The following TRPM1 variants were observed in gnomAD, a reference collection of about 807,000 sequenced individuals.
TRPM1 encodes TRPM1-203 APA Isoform, Intron 10.
A neutral mutation model predicts 149.4 loss-of-function variants in TRPM1; 113 were observed. The ratio of observed to expected loss-of-function variants is 0.76; its 90% CI spans 0.65 to 0.88. The LOEUF (loss-of-function observed/expected upper bound fraction) is 0.88, where lower values mean the gene tolerates loss of function less well. Ranked by LOEUF, TRPM1 falls within the 40% of genes least tolerant of loss-of-function variation. The pLI, the probability that TRPM1 is intolerant of heterozygous loss-of-function variation, is 0.00. For synonymous variants in TRPM1, 741 were observed against 759.5 expected (o/e 0.98, Z 0.40); for missense variants, 1,976 against 2,038.7 (o/e 0.97, Z 0.59).
chr15:31,068,504 A>T (rs891141122), intron 4 of TRPM1, among the ~76,000 whole-genome samples: 8 of 151,908 alleles, frequency 5.3e-5, no homozygotes, highest in African/African-American at 1.9e-4. Flanking sequence ...CACTTTGGGA[A>T]GCCGAGGCAG....
chr15:31,140,742 TTTCTTTATAAA>T (rs1366413978), intron 1 of TRPM1, among the ~76,000 whole-genome samples: 2 of 152,332 alleles, frequency 1.3e-5, no homozygotes. Flanking sequence ...ACAAACCTCT[TTTCTTTATAAA>T]TTACTCAGCC....
chr15:31,066,365 T>G, intron 6 of TRPM1, 118 bp from the exon 7 acceptor site: 66 of 1,102,108 alleles, frequency 6.0e-5, no homozygotes, highest in Non-Finnish European at 8.5e-5. Flanking sequence ...CTCACATCTC[T>G]ACCCTGCCTT....
At chr15:31,051,687 C>T (rs1596019868) in intron 11 of TRPM1, among the ~76,000 whole-genome samples, 1 of 152,184 alleles carries the variant, frequency 6.6e-6, no homozygotes, top group Admixed American at 6.5e-5. Flanking sequence ...CCTTGACGAC[C>T]TCATTGACCC....
chr15:31,118,630 C>T (rs2035835027), intron 1 of TRPM1, among the ~76,000 whole-genome samples: 3 of 152,076 alleles, frequency 2.0e-5, no homozygotes, highest in Admixed American at 2.0e-4. Context: ...TCAGGGTGCC[C>T]CATGGTTGGG....
At chr15:31,119,140 C>T (rs1239762116) in intron 1 of TRPM1, among the ~76,000 whole-genome samples, 1 of 152,032 alleles carries the variant, frequency 6.6e-6, no homozygotes, top group Non-Finnish European at 1.5e-5. Flanking sequence ...ACTCGGGAGG[C>T]TGAGGCAGGA....
intron 13 of TRPM1, among the ~76,000 whole-genome samples, chr15:31,048,438 T>C (rs2033844988): frequency 6.6e-6 from 1 of 152,132 alleles, no homozygotes; most frequent in Non-Finnish European, 1.5e-5. Flanking sequence ...ATTTCAAAAG[T>C]TGTGAAATAC....
At chr15:31,004,683 C>G (rs1387594432) in intron 27 of TRPM1, among the ~76,000 whole-genome samples, 1 of 152,170 alleles carries the variant, frequency 6.6e-6, no homozygotes, top group African/African-American at 2.4e-5. Context: ...TTTAAAGCCT[C>G]TGTATCACAG....
At chr15:31,053,778 A>T (rs558284374) in intron 11 of TRPM1, among the ~76,000 whole-genome samples, 1 of 152,356 alleles carries the variant, frequency 6.6e-6, no homozygotes, top group South Asian at 2.1e-4. Context: ...GTCTCAAAGA[A>T]GTATTTGTAC....
At chr15:31,104,318 G>A (rs1052254852), upstream of TRPM1, among the ~76,000 whole-genome samples, 2 of 152,186 alleles carry the variant, frequency 1.3e-5, no homozygotes, top group African/African-American at 4.8e-5. Context: ...CAGGCTAGCA[G>A]GGGACACCCC....
At chr15:31,072,941 A>C (rs1314069974) in intron 3 of TRPM1, among the ~76,000 whole-genome samples, 1 of 151,990 alleles carries the variant, frequency 6.6e-6, no homozygotes, top group Non-Finnish European at 1.5e-5. Context: ...CATAATTCAC[A>C]AATATTTTCT....
intron 27 of TRPM1, among the ~76,000 whole-genome samples, chr15:31,024,221 T>C (rs1164638650): frequency 6.6e-6 from 1 of 152,130 alleles, no homozygotes; most frequent in African/African-American, 2.4e-5. Flanking sequence ...AAAATAAAAC[T>C]AATTTTATAT....
intron 1 of TRPM1, among the ~76,000 whole-genome samples, chr15:31,120,294 T>C (rs559764300): frequency 6.6e-6 from 1 of 152,178 alleles, no homozygotes; most frequent in African/African-American, 2.4e-5. Flanking sequence ...ATGGAACTTA[T>C]TGGGATAAAT....
intron 1 of TRPM1, among the ~76,000 whole-genome samples, chr15:31,098,420 ACT>A (rs1467665263): frequency 6.6e-6 from 1 of 152,168 alleles, no homozygotes; most frequent in Non-Finnish European, 1.5e-5. Context: ...ACAGAGCAAG[ACT>A]CTGTCACACA....
chr15:31,052,056 C>G (rs989504272), intron 11 of TRPM1, among the ~76,000 whole-genome samples: 6 of 152,178 alleles, frequency 3.9e-5, no homozygotes, highest in Non-Finnish European at 5.9e-5. Flanking sequence ...TGCCTCTGCT[C>G]TAGTCCAAGG....
Position 31,035,664 on chromosome 15 carries a change from A to C in TRPM1, c.2582T>G (p.Leu861Trp), listed in dbSNP as rs771899509. The change falls in exon 21 of 28, where the codon TTG becomes TGG. Residue 861 changes from leucine (L) to tryptophan (W), a missense_variant. Coordinates refer to ENST00000256552, the MANE Select transcript of TRPM1 (RefSeq NM_001252024.2). ...GTAGTTAAACAGCAGCAGGTAGCCC[A>C]AGTATGATATCTGAAAGAAAGACAA... ...VKFWFYTISY[L>W]GYLLLFNYVI... 1 of 1,614,234 alleles carries C rather than the reference A, an allele frequency of 6.2e-7. No homozygotes were observed. Among genetic ancestry groups the C allele is most frequent in the Admixed American group, 1.7e-5 (1 of 60,028 alleles).
At chr15:31,155,119 C>A (rs541861925) in intron 1 of TRPM1, among the ~76,000 whole-genome samples, 2 of 152,196 alleles carry the variant, frequency 1.3e-5, no homozygotes, top group African/African-American at 4.8e-5. Context: ...TGCATCCAAG[C>A]AGATTCCAAA....
intron 1 of TRPM1, among the ~76,000 whole-genome samples, chr15:31,135,789 C>A (rs1040775890): frequency 1.3e-5 from 2 of 152,160 alleles, no homozygotes; most frequent in Admixed American, 1.3e-4. Context: ...CACATGATCT[C>A]TGCACACACC....
At chr15:31,030,260 T>A (rs2033004895) in intron 23 of TRPM1, among the ~76,000 whole-genome samples, 1 of 152,228 alleles carries the variant, frequency 6.6e-6, no homozygotes, top group Non-Finnish European at 1.5e-5. Flanking sequence ...GCTGATGCTT[T>A]ATGATAAATC....
At chr15:31,098,765 C>T (rs1353341284) in intron 1 of TRPM1, among the ~76,000 whole-genome samples, 1 of 151,924 alleles carries the variant, frequency 6.6e-6, no homozygotes, top group Non-Finnish European at 1.5e-5. Flanking sequence ...GGAGCAGACA[C>T]AGGATGGATA....
Sources: gnomAD v4.1 joint callset for allele counts (sites outside exome capture counted in the v4.1 genomes callset) on GRCh38, gnomAD v4.1.1 for gene constraint, MANE v1.5 for transcripts, NCBI Gene and HGNC (gene_info 2026-07-23, HGNC 2026-07-21) for gene names.